Variants in LIPA observed in about 807,000 individuals in gnomAD.
The protein encoded by LIPA is lysosomal acid lipase/cholesteryl ester hydrolase.
Under a neutral mutation model 40.6 loss-of-function variants are expected in LIPA, and 26 were observed. The ratio of observed to expected loss-of-function variants is 0.64; its 90% CI spans 0.47 to 0.89. The LOEUF is 0.89. LIPA is among the 40% of genes least tolerant of loss of function. LIPA has a pLI of 0.00. For synonymous variants in LIPA, 188 were observed against 168.4 expected, an observed-to-expected ratio of 1.12 and a Z score of -0.90; for missense variants, 455 against 479.6, an observed-to-expected ratio of 0.95 and a Z score of 0.48.
chr10:89,306,847 A>G (rs780379595), intron 1 of LIPA: 3 of 1,614,012 alleles, frequency 1.9e-6, no homozygotes, highest in Non-Finnish European at 2.5e-6. Flanking sequence ...AAGTCTTCCA[A>G]GTAATGAATC....
intron 1 of LIPA, among the ~76,000 whole-genome samples, chr10:89,327,396 C>A (rs1843609679): frequency 6.6e-6 from 1 of 151,966 alleles, no homozygotes; most frequent in Non-Finnish European, 1.5e-5. Context: ...ACTAAAAATA[C>A]AAATATTAGC....
At chr10:89,384,805 T>C (rs1589628867) in intron 2 of LIPA, 2 of 1,348,956 alleles carry the variant, frequency 1.5e-6, no homozygotes, top group Non-Finnish European at 2.0e-6. Flanking sequence ...AATTAAATAA[T>C]GCAAACTTAA....
Position 89,214,870 on chromosome 10 carries a change from C to A in LIPA, c.1158G>T (p.Arg386Ser), listed in dbSNP as rs529668674. ...TTAGATTAATAATTTTATTATAAAG[C>A]CTCCAAGGGGCATCCAGGCCCCAAA... The part of the protein sequence containing the change: ...DFIWGLDAPW[R>S]LYNKIINLMR... The change falls in exon 10 of 10, where the codon AGG becomes AGT. Residue 386 changes from arginine to serine, a missense_variant. By Grantham distance (110) the Arg-to-Ser change is moderately radical (BLOSUM62 -1). Coordinates refer to ENST00000336233, the MANE Select transcript of LIPA (RefSeq NM_000235.4). The A allele has an allele frequency of 1.2e-6, 2 of 1,612,638 alleles. No individual in the cohort carries two copies. Among genetic ancestry groups the A allele is most frequent in the East Asian group, 4.5e-5 (2 of 44,886 alleles).
At chr10:89,394,575 AAAATATATATATATAT>A (rs1844306089) in intron 2 of LIPA, among the ~76,000 whole-genome samples, 1 of 114,262 alleles carries the variant, frequency 8.8e-6, no homozygotes, top group South Asian at 2.8e-4. Flanking sequence ...GTACTACAGG[AAAATATATATATATAT>A]ATATATATAT....
intron 1 of LIPA, chr10:89,340,268 T>C: frequency 3.2e-6 from 3 of 943,146 alleles, no homozygotes; most frequent in East Asian, 5.4e-5. Flanking sequence ...TTTTAAAGAG[T>C]TGTTTTTTGG....
At chr10:89,406,865 C>A (rs1020434472) in intron 2 of LIPA, among the ~76,000 whole-genome samples, 1 of 152,160 alleles carries the variant, frequency 6.6e-6, no homozygotes, top group Non-Finnish European at 1.5e-5. Flanking sequence ...GGGACTATCG[C>A]CTATCACCTA....
At chr10:89,355,857 A>T (rs1278643589) in intron 2 of LIPA, among the ~76,000 whole-genome samples, 1 of 152,222 alleles carries the variant, frequency 6.6e-6, no homozygotes, top group Non-Finnish European at 1.5e-5. Context: ...CCATGGCAAC[A>T]TTCAGAAGTT....
intron 1 of LIPA, among the ~76,000 whole-genome samples, chr10:89,263,487 C>T (rs563738328): frequency 6.6e-6 from 1 of 152,264 alleles, no homozygotes; most frequent in African/African-American, 2.4e-5. Context: ...TTTCTATTTG[C>T]CATGGTAAAA....
chr10:89,328,685 A>G (rs2133538429), intron 1 of LIPA, among the ~76,000 whole-genome samples: 1 of 152,320 alleles, frequency 6.6e-6, no homozygotes, highest in African/African-American at 2.4e-5. Context: ...TTTCTTATAT[A>G]AAAACAAACC....
chr10:89,292,098 C>G (rs1321793081), intron 1 of LIPA: 1 of 152,196 alleles, frequency 6.6e-6, no homozygotes, highest in Non-Finnish European at 1.5e-5. Context: ...GTTATGTGAA[C>G]AAGAAATAAA....
chr10:89,216,859 T>C (rs903124281), intron 8 of LIPA, among the ~76,000 whole-genome samples: 1 of 152,196 alleles, frequency 6.6e-6, no homozygotes, highest in African/African-American at 2.4e-5. Flanking sequence ...ATTTTAATGA[T>C]GGTATTGATT....
At chr10:89,259,024 T>C (rs996130813) in intron 1 of LIPA, among the ~76,000 whole-genome samples, 5 of 152,222 alleles carry the variant, frequency 3.3e-5, no homozygotes, top group South Asian at 2.1e-4. Context: ...AGATTAGTAG[T>C]TGCCTAGGGA....
chr10:89,339,666 G>A (rs746479803), intron 1 of LIPA: 1 of 1,614,234 alleles, frequency 6.2e-7, no homozygotes, highest in South Asian at 1.1e-5. Context: ...ATCTCGCTGA[G>A]TTCCTGGAGA....
chr10:89,371,199 G>A (rs1368504214), intron 2 of LIPA, among the ~76,000 whole-genome samples: 2 of 152,184 alleles, frequency 1.3e-5, no homozygotes, highest in African/African-American at 4.8e-5. Context: ...TAAGTTGGTG[G>A]GTAAGAGTAT....
chr10:89,327,832 G>A (rs944209077), intron 1 of LIPA: 4 of 527,482 alleles, frequency 7.6e-6, no homozygotes, highest in East Asian at 3.2e-5. Flanking sequence ...CAGGTCTCAA[G>A]CCGTTAGGTT....
upstream of LIPA, among the ~76,000 whole-genome samples, chr10:89,254,618 T>C (rs1843171946): frequency 6.6e-6 from 1 of 152,254 alleles, no homozygotes; most frequent in South Asian, 2.1e-4. Context: ...TCCTCATTAC[T>C]TATGCAAATT....
intron 2 of LIPA, among the ~76,000 whole-genome samples, chr10:89,366,694 T>C (rs1844059355): frequency 6.6e-6 from 1 of 152,160 alleles, no homozygotes; most frequent in Non-Finnish European, 1.5e-5. Flanking sequence ...GGAGAGGATG[T>C]AGAGAAATAG....
chr10:89,370,488 C>A (rs1328347493), intron 2 of LIPA, among the ~76,000 whole-genome samples: 1 of 151,988 alleles, frequency 6.6e-6, no homozygotes, highest in Non-Finnish European at 1.5e-5. Flanking sequence ...TCCCAATTGG[C>A]CTTGGAAAGT....
chr10:89,367,144 A>G (rs12243721), intron 2 of LIPA, among the ~76,000 whole-genome samples: 2,596 of 143,118 alleles, frequency 0.018, 35 homozygotes, highest in African/African-American at 0.044. Flanking sequence ...TTGGACACAG[A>G]AAAGGGAACA....
Sources: allele counts gnomAD v4.1 joint callset (sites outside exome capture counted in the v4.1 genomes callset), GRCh38; gene constraint gnomAD v4.1.1; transcripts MANE v1.5; gene names NCBI Gene and HGNC (gene_info 2026-07-23, HGNC 2026-07-21).